Variants in HYDIN observed in about 807,000 individuals in gnomAD.
HYDIN encodes axonemal central pair apparatus protein HYDIN.
A neutral mutation model predicts 403.9 loss-of-function variants in HYDIN; 132 were observed. That is an observed-to-expected ratio of 0.33 (90% CI 0.28 to 0.38). HYDIN has a LOEUF of 0.38. Among genes scored for constraint, HYDIN ranks in the 10% least tolerant of loss-of-function variants. The pLI is 1.00. For synonymous variants in HYDIN, 1,202 were observed against 1,891.7 expected, an observed-to-expected ratio of 0.64 and a Z score of 9.46; for missense variants, 2,827 against 5,009.5, an observed-to-expected ratio of 0.56 and a Z score of 13.15.
chr16:71,140,935 A>G (rs1010504690), intron 7 of HYDIN, among the ~76,000 whole-genome samples: 9 of 150,288 alleles, frequency 6.0e-5, no homozygotes, highest in African/African-American at 2.2e-4. Context: ...CAGAAATGCA[A>G]TAATGTCCCA....
chr16:71,230,484 G>C, intron 1 of HYDIN, 78 bp downstream of exon 1: 1 of 1,445,672 alleles, frequency 6.9e-7, no homozygotes, highest in Non-Finnish European at 9.1e-7. Flanking sequence ...CGAGGACGAG[G>C]ACGAAAAGAG....
intron 62 of HYDIN, among the ~76,000 whole-genome samples, chr16:70,877,073 G>A (rs2040489083): frequency 6.6e-6 from 1 of 150,772 alleles, no homozygotes; most frequent in Non-Finnish European, 1.5e-5. Context: ...AGGACTTAAT[G>A]GAAACTTTAA....
intron 19 of HYDIN, among the ~76,000 whole-genome samples, chr16:71,028,734 T>C (rs2080804007): frequency 6.6e-6 from 1 of 152,136 alleles, no homozygotes; most frequent in Non-Finnish European, 1.5e-5. Flanking sequence ...AAATAAACAA[T>C]CAGAAGGAAT....
intron 41 of HYDIN, among the ~76,000 whole-genome samples, chr16:70,944,942 AG>A (rs2077804608): frequency 6.6e-6 from 1 of 152,164 alleles, no homozygotes; most frequent in Non-Finnish European, 1.5e-5. Context: ...TAGTAGAGAC[AG>A]GGTTTCGCCA....
chr16:70,875,063 G>C, intron 62 of HYDIN, 144 bp from the exon 63 acceptor site: 5 of 980,508 alleles, frequency 5.1e-6, no homozygotes, highest in Non-Finnish European at 7.1e-6. Context: ...TTTCTTAAGA[G>C]AGATAAATAA....
intron 19 of HYDIN, among the ~76,000 whole-genome samples, chr16:71,028,927 G>A (rs556158656): frequency 6.7e-6 from 1 of 149,628 alleles, no homozygotes; most frequent in African/African-American, 2.5e-5. Flanking sequence ...AACACATACT[G>A]TTTATAAAGA....
rs1298283726 is a variant in HYDIN at position 70,907,357 on chromosome 16, T to TAATGG, written c.8516+10_8516+14dup. 3.4e-6 allele frequency: 2 copies of TAATGG among 580,134 alleles called. No homozygotes were observed. Among genetic ancestry groups the TAATGG allele is most frequent in the Non-Finnish European group, 6.1e-6 (2 of 327,146 alleles). 35.9% of individuals were successfully genotyped at this position (580,134 alleles called of 1,614,324 possible). Reference sequence around the variant, plus strand: ...CAGCAGTCTGAAATCTGCTTTAAAATAATGGAACACTTACTTATCTCTTGA... The same window carrying TAATGG: ...CAGCAGTCTGAAATCTGCTTTAAAATAATGGAATGGAACACTTACTTATCTCTTGA... On this transcript the variant is annotated intron_variant, in intron 50 of 85. Transcript: ENST00000393567.
At chr16:71,208,556 A>G (rs1032853001) in intron 1 of HYDIN, among the ~76,000 whole-genome samples, 1 of 152,246 alleles carries the variant, frequency 6.6e-6, no homozygotes, top group Non-Finnish European at 1.5e-5. Flanking sequence ...AACCAAAATC[A>G]GAGCTGAACT....
chr16:71,202,311 C>G (rs1430015796), intron 1 of HYDIN, among the ~76,000 whole-genome samples: 1 of 152,150 alleles, frequency 6.6e-6, no homozygotes, highest in Non-Finnish European at 1.5e-5. Flanking sequence ...TTCATTGCAG[C>G]AAATTCTTAA....
intron 60 of HYDIN, among the ~76,000 whole-genome samples, chr16:70,880,522 AG>A (rs768233060): frequency 6.6e-6 from 1 of 152,082 alleles, no homozygotes; most frequent in Non-Finnish European, 1.5e-5. Flanking sequence ...GGCGGACTTC[AG>A]GTGATGGTGC....
intron 5 of HYDIN, among the ~76,000 whole-genome samples, chr16:71,174,513 T>C (rs2086590844): frequency 6.6e-6 from 1 of 152,152 alleles, no homozygotes; most frequent in Non-Finnish European, 1.5e-5. Flanking sequence ...ATTTAAGACT[T>C]GTTCTCTGTC....
rs2035163045 is a variant in HYDIN at position 70,807,530 on chromosome 16, G to C, written c.*50C>G. ...TTATTGTTTTCTCTATTCTTTTTCA[G>C]GCTAAGACAATGCATAGCTTTTGGT... On this transcript the variant is annotated 3_prime_UTR_variant, in exon 86 of 86. Coordinates refer to ENST00000393567, the MANE Select transcript of HYDIN (RefSeq NM_001270974.2). 1.3e-6 allele frequency: 2 copies of C among 1,533,248 alleles called. No homozygotes were observed. The highest frequency in any genetic ancestry group is 1.8e-6 in the Non-Finnish European group (2 of 1,139,662). 95.0% of individuals were successfully genotyped at this position (1,533,248 alleles called of 1,614,324 possible).
Position 71,067,336 on chromosome 16 carries a change from C to T in HYDIN, c.2029G>A (p.Val677Met), listed in dbSNP as rs369466741. Residue 677 changes from valine to methionine, a missense_variant, in exon 15 of 86, where the codon GTG (valine) becomes ATG (methionine). Physicochemically the swap from Val to Met is conservative, Grantham distance 21. Transcript: ENST00000393567. ...AGCACCTCTTCTCCGATGCCCTCCACGTCCACCACGAGTGCCAGCTCGTAT... is the reference window on the plus strand; with the variant it reads ...AGCACCTCTTCTCCGATGCCCTCCATGTCCACCACGAGTGCCAGCTCGTAT... ...QKYELALVVD[V>M]EGIGEEVLAL... 1.7e-5 allele frequency: 27 copies of T among 1,613,242 alleles called. No individual in the cohort carries two copies. The Admixed American group carries it at 1.8e-4, about 11-fold the overall frequency.
intron 75 of HYDIN, among the ~76,000 whole-genome samples, chr16:70,844,882 A>G (rs538683610): frequency 4.2e-4 from 63 of 151,700 alleles, no homozygotes; most frequent in African/African-American, 1.4e-3. Flanking sequence ...ATTTCTGTAC[A>G]TTGATTTTGT....
At chr16:70,948,063 A>T (rs2077936676) in intron 41 of HYDIN, among the ~76,000 whole-genome samples, 1 of 151,534 alleles carries the variant, frequency 6.6e-6, no homozygotes. Flanking sequence ...ACTATACTAC[A>T]AGGCTACAGT....
At chr16:71,141,583 A>G (rs1268625668) in intron 7 of HYDIN, among the ~76,000 whole-genome samples, 1 of 152,102 alleles carries the variant, frequency 6.6e-6, no homozygotes, top group Admixed American at 6.5e-5. Context: ...GCAAGATAGC[A>G]CTAGTAATAA....
chr16:71,074,751 C>T (rs2082577949), intron 13 of HYDIN, among the ~76,000 whole-genome samples: 1 of 150,276 alleles, frequency 6.7e-6, no homozygotes, highest in Non-Finnish European at 1.5e-5. Flanking sequence ...TCAAATGCCT[C>T]TCCACATCCT....
At chr16:71,020,620 C>G (rs1283978953) in intron 21 of HYDIN, among the ~76,000 whole-genome samples, 2 of 152,026 alleles carry the variant, frequency 1.3e-5, no homozygotes, top group Non-Finnish European at 2.9e-5. Context: ...ACCAGCCTGG[C>G]CAACATGGTG....
Position 70,991,214 on chromosome 16 carries a change from A to G in HYDIN, c.3864+104T>C, listed in dbSNP as rs1169852442. Reference sequence around the variant, plus strand: ...GGTAAAGCTGTACGGCTTTGTCCCAATTAAACCCAAGCATTGTACTGGCCA... The same window carrying G: ...GGTAAAGCTGTACGGCTTTGTCCCAGTTAAACCCAAGCATTGTACTGGCCA... On this transcript the variant is annotated intron_variant, in intron 25 of 85. Transcript: ENST00000393567. The G allele has an allele frequency of 2.1e-5, 30 of 1,461,508 alleles. No homozygotes were observed. The East Asian group carries it at 6.1e-4, about 30-fold the overall frequency. The allele number at this position is 1,461,508 out of a possible 1,614,324, so 90.5% of individuals were successfully genotyped here.
Sources: gnomAD v4.1 joint callset for allele counts (sites outside exome capture counted in the v4.1 genomes callset) on GRCh38, gnomAD v4.1.1 for gene constraint, MANE v1.5 for transcripts, NCBI Gene and HGNC (gene_info 2026-07-23, HGNC 2026-07-21) for gene names.